Variants in RYR1 observed in about 807,000 individuals in gnomAD.
The protein encoded by RYR1 is ryanodine receptor 1.
RYR1 carries 342 observed loss-of-function variants against 583.5 expected under a neutral mutation model. The ratio of observed to expected loss-of-function variants is 0.59; its 90% CI spans 0.54 to 0.64. The LOEUF is 0.64. RYR1 is among the 30% of genes least tolerant of loss of function. The pLI, the probability that RYR1 is intolerant of heterozygous loss-of-function variation, is 0.00. For synonymous variants in RYR1, 2,791 were observed against 2,822.5 expected, an observed-to-expected ratio of 0.99 and a Z score of 0.35; for missense variants, 6,032 against 6,917.2, an observed-to-expected ratio of 0.87 and a Z score of 4.54.
Position 38,580,417 on chromosome 19 carries a change from C to T in RYR1, c.14559C>T (p.Thr4853=), listed in dbSNP as rs570469685. The change falls in exon 101 of 106, where the codon ACC becomes ACT. Residue 4853 remains threonine (T), a synonymous_variant. Coordinates refer to ENST00000359596, the MANE Select transcript of RYR1 (RefSeq NM_000540.3). ...GLLAVVVYLY[T]VVAFNFFRKF... Reference sequence around the variant, plus strand: ...TGGCGGTGGTCGTCTACCTGTACACCGTGGTGGCCTTCAACTTCTTCCGCA... The same window carrying T: ...TGGCGGTGGTCGTCTACCTGTACACTGTGGTGGCCTTCAACTTCTTCCGCA... 102 of 1,613,952 alleles carry T rather than the reference C, an allele frequency of 6.3e-5. 1 individual carries two copies. In the South Asian group the frequency reaches 8.2e-4, roughly 13 times the overall value.
chr19:38,560,220 A>G (rs1320282365), intron 89 of RYR1, among the ~76,000 whole-genome samples: 3 of 152,116 alleles, frequency 2.0e-5, no homozygotes, highest in African/African-American at 7.2e-5. Context: ...AAAATTCACC[A>G]GGCACAGTGG....
In RYR1 at chr19:38,505,820, C is replaced by T. The variant is rs1970418258; in HGVS notation, c.8415C>T (p.Tyr2805=). ...KTFSEKDKEI[Y]RWPIKESLKA... ...GTCCACCCCAGGACAAAGAGATTTACCGCTGGCCCATCAAGGAGTCCCTGA... is the reference window on the plus strand; with the variant it reads ...GTCCACCCCAGGACAAAGAGATTTATCGCTGGCCCATCAAGGAGTCCCTGA... Residue 2805 remains tyrosine, a synonymous_variant, in exon 54 of 106, where the codon TAC becomes TAT. Coordinates refer to ENST00000359596, the MANE Select transcript of RYR1 (RefSeq NM_000540.3). 6.2e-7 allele frequency: 1 copy of T among 1,614,164 alleles called. No individual in the cohort carries two copies. Among genetic ancestry groups the T allele is most frequent in the Non-Finnish European group, 8.5e-7 (1 of 1,180,038 alleles).
rs773796528 is a variant in RYR1, at chr19:38,489,410, C to T, written c.5781C>T (p.Leu1927=). 16 of 1,613,842 alleles carry T rather than the reference C, an allele frequency of 9.9e-6. No homozygotes were observed. The Admixed American group carries it at 1.8e-4, about 18-fold the overall frequency. Reference sequence around the variant, plus strand: ...AAGAAGGCTTGGAGGAAGGGCTGCTCCAGATGAAGTTGCCAGAGTCTGTGA... The same window carrying T: ...AAGAAGGCTTGGAGGAAGGGCTGCTTCAGATGAAGTTGCCAGAGTCTGTGA... ...EKEEGLEEGL[L]QMKLPESVKL... is the part of the protein sequence containing the mutation. Residue 1927 remains leucine (L), a synonymous_variant, in exon 35 of 106, where the codon CTC becomes CTT. Transcript: ENST00000359596.
At chr19:38,490,408 C>T (rs1969501240) in intron 36 of RYR1, 132 bp downstream of exon 36, 8 of 954,896 alleles carry the variant, frequency 8.4e-6, no homozygotes, top group Admixed American at 2.0e-5. Context: ...ACATTTATCT[C>T]CTACTCTCTG....
In RYR1 at chr19:38,561,060, G is replaced by T; in HGVS notation, c.12283-53G>T. Reference sequence around the variant, plus strand: ...TGTCTTAAAAAAAAAAAAAAAAAGAGAGAGAATTGAGGCTCTCCAGGTCAC... The same window carrying T: ...TGTCTTAAAAAAAAAAAAAAAAAGATAGAGAATTGAGGCTCTCCAGGTCAC... On this transcript the variant is annotated intron_variant, in intron 89 of 105. Transcript: ENST00000359596. The surrounding 1 kb of genome is among the most constrained non-coding windows in gnomAD (Gnocchi z 4.8). The T allele has an allele frequency of 3.7e-6, 5 of 1,336,638 alleles. No homozygotes were observed. Among genetic ancestry groups the T allele is most frequent in the South Asian group, 1.3e-5 (1 of 79,086 alleles). 82.8% of individuals were successfully genotyped at this position (1,336,638 alleles called of 1,614,324 possible).
rs756575571 is a variant in RYR1 at position 38,523,200 on chromosome 19, A to T, written c.10348-17A>T. 1 of 1,614,132 alleles carries T rather than the reference A, an allele frequency of 6.2e-7. No homozygotes were observed. Among genetic ancestry groups the T allele is most frequent in the Non-Finnish European group, 8.5e-7 (1 of 1,180,008 alleles). Reference sequence around the variant, plus strand: ...TGCCTTCACCTGTCCGGTCTGCAACACTGCTTCCCCCACCAGAACTTCAAG... The same window carrying T: ...TGCCTTCACCTGTCCGGTCTGCAACTCTGCTTCCCCCACCAGAACTTCAAG... On this transcript the variant is annotated splice_polypyrimidine_tract_variant and intron_variant, in intron 68 of 105. Coordinates refer to ENST00000359596, the MANE Select transcript of RYR1 (RefSeq NM_000540.3).
rs1996410 is a variant in RYR1 at position 38,526,557 on chromosome 19, A to G, written c.10627-436A>G. ...GCTCCCCGTCCTAGAACCCCAGTGA[A>G]CCCCCACCCTGCTGATGCCCCCTTT... On this transcript the variant is annotated intron_variant, in intron 71 of 105. Coordinates refer to ENST00000359596, the MANE Select transcript of RYR1 (RefSeq NM_000540.3). 9.8e-3 allele frequency among the ~76,000 whole-genome samples: 1,461 copies of G among 149,442 alleles called. 26 individuals are homozygous for G. Among genetic ancestry groups the G allele is most frequent in the African/African-American group, 0.035 (1,413 of 40,550 alleles).
intron 29 of RYR1, among the ~76,000 whole-genome samples, chr19:38,476,485 C>T (rs1968736485): frequency 6.6e-6 from 1 of 152,136 alleles, no homozygotes; most frequent in African/African-American, 2.4e-5. Context: ...GCATGAGCCA[C>T]CGTGCCTGGC....
intron 1 of RYR1, among the ~76,000 whole-genome samples, chr19:38,438,067 C>A (rs574616821): frequency 6.6e-6 from 1 of 151,972 alleles, no homozygotes; most frequent in South Asian, 2.1e-4. Flanking sequence ...TTTGCCCCTC[C>A]TCCTTGCGGC....
rs751426240 is a variant in RYR1, at chr19:38,523,885, C to CT, written c.10441-28dup. On this transcript the variant is annotated intron_variant, in intron 69 of 105. Transcript: ENST00000359596. ...TCTCTGCGGGGCTGGGGTAACCCTT[C>CT]TTGTCTCTGTCTGCGGTCCGGTGAA... is the stretch of plus-strand genomic sequence containing the variant. 1.5e-5 allele frequency: 25 copies of CT among 1,613,886 alleles called. No homozygotes were observed. The South Asian group carries it at 2.7e-4, about 18-fold the overall frequency.
chr19:38,519,894 G>A (rs1183315987), intron 67 of RYR1, among the ~76,000 whole-genome samples: 1 of 152,040 alleles, frequency 6.6e-6, no homozygotes, highest in East Asian at 1.9e-4. Flanking sequence ...GGCCAGGCTG[G>A]TCTTGAACTC....
chr19:38,509,785 A>T (rs574826787), intron 58 of RYR1, among the ~76,000 whole-genome samples: 5 of 151,026 alleles, frequency 3.3e-5, no homozygotes, highest in African/African-American at 1.2e-4. Context: ...AGTATCAGTT[A>T]TGACTGTCAC....
intron 101 of RYR1, among the ~76,000 whole-genome samples, chr19:38,580,899 A>ATTTTT (rs74176451): frequency 7.5e-6 from 1 of 132,812 alleles, no homozygotes; most frequent in African/African-American, 2.8e-5. Flanking sequence ...TGCCAGGCAC[A>ATTTTT]TTTTTTTTTT....
chr19:38,434,499 C>T (rs1415749790), intron 1 of RYR1, among the ~76,000 whole-genome samples: 1 of 152,108 alleles, frequency 6.6e-6, no homozygotes, highest in Non-Finnish European at 1.5e-5. Flanking sequence ...GTCTCCATGT[C>T]TCTGTCTCTT....
At chr19:38,549,285 A>T (rs1426842390) in intron 89 of RYR1, among the ~76,000 whole-genome samples, 1 of 152,136 alleles carries the variant, frequency 6.6e-6, no homozygotes, top group Non-Finnish European at 1.5e-5. Flanking sequence ...TGGGGATAGG[A>T]TAATCACATT....
In RYR1 at chr19:38,469,034, T is replaced by C. The variant is rs1968273875; in HGVS notation, c.3450T>C (p.Cys1150=). The C allele has an allele frequency of 6.2e-7, 1 of 1,614,060 alleles. No individual in the cohort carries two copies. Among genetic ancestry groups the C allele is most frequent in the Non-Finnish European group, 8.5e-7 (1 of 1,180,036 alleles). ...GGCAGCCGGGCGATGTCGTTGGCTG[T>C]ATGATCGACCTCACAGAGAACACCA... The part of the protein sequence containing the change: ...RPWQPGDVVG[C]MIDLTENTII... Residue 1150 remains cysteine (C), a synonymous_variant, in exon 26 of 106, where the codon TGT becomes TGC. Coordinates refer to ENST00000359596, the MANE Select transcript of RYR1 (RefSeq NM_000540.3).
chr19:38,446,584 A>G lies in RYR1; in HGVS notation c.725+19A>G. 6.2e-7 allele frequency: 1 copy of G among 1,611,388 alleles called. No individual in the cohort carries two copies. Among genetic ancestry groups the G allele is most frequent in the East Asian group, 2.2e-5 (1 of 44,866 alleles). Reference sequence around the variant, plus strand: ...AGCGCAGGTCTGGGCTGTGGACGAGAGGGCCTGGGGTCTAGGGGTGGACGT... The same window carrying G: ...AGCGCAGGTCTGGGCTGTGGACGAGGGGGCCTGGGGTCTAGGGGTGGACGT... On this transcript the variant is annotated intron_variant, in intron 8 of 105. Transcript: ENST00000359596.
At position 38,577,975 on chromosome 19, in the gene RYR1, A is replaced by G. The variant is rs906586604; in HGVS notation, c.14230A>G (p.Met4744Val). The G allele has an allele frequency of 1.2e-6, 2 of 1,614,106 alleles. No homozygotes were observed. The highest frequency in any genetic ancestry group is 1.3e-5 in the African/African-American group (1 of 75,018). ...GGAGCGGATTGCTGAGCTACTGGGC[A>G]TGGACCTGGCCACACTAGAGATCAC... is the stretch of plus-strand genomic sequence containing the variant. ...GRERIAELLG[M>V]DLATLEITAH... The change falls in exon 98 of 106, where the codon ATG (methionine) becomes GTG (valine). Residue 4744 changes from methionine to valine, a missense_variant. Transcript: ENST00000359596.
intron 97 of RYR1, among the ~76,000 whole-genome samples, chr19:38,576,319 G>A (rs985474633): frequency 2.0e-5 from 3 of 152,024 alleles, no homozygotes; most frequent in African/African-American, 4.8e-5. Flanking sequence ...GCACGGTACC[G>A]CATGCCTGTA....
Sources: gnomAD v4.1 joint callset for allele counts (sites outside exome capture counted in the v4.1 genomes callset) on GRCh38, gnomAD v4.1.1 for gene constraint, Gnocchi (gnomAD v3.1) non-coding constraint, MANE v1.5 for transcripts, NCBI Gene and HGNC (gene_info 2026-07-23, HGNC 2026-07-21) for gene names.